Variants in DCAF8L2 observed in about 807,000 individuals in gnomAD.
DCAF8L2 encodes the protein DDB1 and CUL4 associated factor 8 like 2.
For synonymous variants in DCAF8L2, 200 were observed against 190.9 expected, an observed-to-expected ratio of 1.05 and a Z score of -0.39; for missense variants, 430 against 490.7, an observed-to-expected ratio of 0.88 and a Z score of 1.17.
rs746859114 is a variant in DCAF8L2, at chrX:27,611,917, C to A, written c.-341-19962C>A. ...TGCAATAAACATACGTGTGCATGTT[C>A]TTTACAGTAGCATGATTTATAAGCC... On this transcript the variant is annotated intron_variant, in intron 1 of 4. Transcript: ENST00000451261. Among the ~76,000 whole-genome samples, 10 of 111,461 alleles carry A rather than the reference C, an allele frequency of 9.0e-5. No homozygotes were observed. The South Asian group carries it at 3.8e-3, about 42-fold the overall frequency.
chrX:27,735,580 G>A (rs1482415209), intron 4 of DCAF8L2, among the ~76,000 whole-genome samples: 1 of 112,126 alleles, frequency 8.9e-6, no homozygotes, highest in African/African-American at 3.2e-5. Flanking sequence ...ACTTTAACTA[G>A]GACTTGCAAA....
chrX:27,623,327 G>A (rs779067726), intron 1 of DCAF8L2, among the ~76,000 whole-genome samples: 50 of 111,317 alleles, frequency 4.5e-4, no homozygotes, highest in African/African-American at 1.5e-3. Context: ...GATCCATACT[G>A]GAGAGGAAAT....
chrX:27,711,377 A>G (rs1051047974), intron 3 of DCAF8L2, among the ~76,000 whole-genome samples: 4 of 96,351 alleles, frequency 4.2e-5, no homozygotes, highest in Non-Finnish European at 8.3e-5. Flanking sequence ...CTACATCTAT[A>G]TGTGTGTGTG....
intron 3 of DCAF8L2, among the ~76,000 whole-genome samples, chrX:27,705,179 C>T (rs1334157756): frequency 1.8e-5 from 2 of 111,215 alleles, no homozygotes; most frequent in Non-Finnish European, 3.8e-5. Flanking sequence ...TGTATATATA[C>T]CAATTCTCTT....
chrX:27,516,135 T>C, the DCAF8L2 span, among the ~76,000 whole-genome samples: 200 of 111,245 alleles, frequency 1.8e-3, 1 homozygote, highest in African/African-American at 6.2e-3. Flanking sequence ...AAATGGAAAG[T>C]AGCTGAACCC....
Position 27,704,171 on chromosome X carries a change from T to TACACAC in DCAF8L2, c.-142-11916_-142-11915insCACACA, listed in dbSNP as rs1380071213. Among the ~76,000 whole-genome samples the TACACAC allele has an allele frequency of 1.2e-4, 7 of 57,009 alleles. 2 individuals are homozygous for TACACAC. The highest frequency in any genetic ancestry group is 7.4e-4 in the African/African-American group (7 of 9,410). The allele number at this position is 57,009 out of a possible 115,157, so 49.5% of individuals were successfully genotyped here. On this transcript the variant is annotated intron_variant, in intron 3 of 4. Coordinates refer to ENST00000451261, the MANE Select transcript of DCAF8L2 (RefSeq NM_001353450.2). ...GTGCTGCAGTATATATATATATATA[T>TACACAC]ATACATATACACACACACATATGTA... is the stretch of plus-strand genomic sequence containing the variant.
chrX:27,560,220 T>C, the DCAF8L2 span, among the ~76,000 whole-genome samples: 2 of 102,785 alleles, frequency 1.9e-5, no homozygotes, highest in African/African-American at 7.3e-5. Flanking sequence ...TGAGCCAAGA[T>C]CATGCCACTG....
chrX:27,593,495 G>T (rs1321012460), intron 1 of DCAF8L2, among the ~76,000 whole-genome samples: 4 of 111,666 alleles, frequency 3.6e-5, no homozygotes, highest in African/African-American at 1.3e-4. Context: ...TCCACCTTTT[G>T]GTTGTTGTGG....
At chrX:27,651,209 G>A (rs955203610) in intron 2 of DCAF8L2, among the ~76,000 whole-genome samples, 2 of 111,512 alleles carry the variant, frequency 1.8e-5, no homozygotes, top group African/African-American at 6.5e-5. Flanking sequence ...GTATTTCACT[G>A]AGAATTTTTG....
At chrX:27,524,938 C>T in the DCAF8L2 span, among the ~76,000 whole-genome samples, 122 of 111,959 alleles carry the variant, frequency 1.1e-3, 2 homozygotes, top group East Asian at 0.026. Flanking sequence ...CTAAAGAGTG[C>T]TTTACTTCTA....
At chrX:27,686,874 C>A (rs932083278) in intron 3 of DCAF8L2, among the ~76,000 whole-genome samples, 9 of 112,374 alleles carry the variant, frequency 8.0e-5, no homozygotes, top group African/African-American at 2.9e-4. Context: ...CATCTCTGAT[C>A]ATCAAGCATT....
At chrX:27,675,038 T>A (rs2147232837) in intron 2 of DCAF8L2, among the ~76,000 whole-genome samples, 1 of 112,207 alleles carries the variant, frequency 8.9e-6, no homozygotes, top group Non-Finnish European at 1.9e-5. Flanking sequence ...TTCTTTCTTG[T>A]TCCAAGTAAT....
intron 3 of DCAF8L2, among the ~76,000 whole-genome samples, chrX:27,700,481 T>C (rs1037968039): frequency 7.2e-5 from 8 of 111,147 alleles, no homozygotes; most frequent in African/African-American, 2.6e-4. Flanking sequence ...TTATTTACCA[T>C]TGGGGAAAAC....
the DCAF8L2 span, among the ~76,000 whole-genome samples, chrX:27,484,207 A>G: frequency 8.9e-6 from 1 of 111,886 alleles, no homozygotes; most frequent in East Asian, 2.8e-4. Context: ...TAGATATAGG[A>G]AGGCATTTGT....
At chrX:27,621,102 A>G (rs1399441274) in intron 1 of DCAF8L2, among the ~76,000 whole-genome samples, 1 of 112,136 alleles carries the variant, frequency 8.9e-6, no homozygotes, top group Non-Finnish European at 1.9e-5. Context: ...CTTATATGAG[A>G]TATTTAAAGT....
chrX:27,565,977 C>T, the DCAF8L2 span, among the ~76,000 whole-genome samples: 2 of 110,483 alleles, frequency 1.8e-5, no homozygotes, highest in African/African-American at 6.6e-5. Flanking sequence ...GCATGTGGAC[C>T]CTTAGCATGA....
chrX:27,546,936 G>C, the DCAF8L2 span, among the ~76,000 whole-genome samples: 1 of 112,242 alleles, frequency 8.9e-6, no homozygotes, highest in Non-Finnish European at 1.9e-5. Flanking sequence ...TTAACATTTG[G>C]TTTATCTTTA....
intron 4 of DCAF8L2, among the ~76,000 whole-genome samples, chrX:27,723,518 C>T (rs948052011): frequency 9.0e-6 from 1 of 111,345 alleles, no homozygotes; most frequent in Admixed American, 9.6e-5. Context: ...TGCAAACACA[C>T]TCTATAGAGA....
At chrX:27,631,255 A>C (rs753985353) in intron 1 of DCAF8L2, among the ~76,000 whole-genome samples, 1 of 111,977 alleles carries the variant, frequency 8.9e-6, no homozygotes, top group South Asian at 3.7e-4. Context: ...TCAACATAAT[A>C]AAGGTCATAG....
Sources: allele counts gnomAD v4.1 joint callset (sites outside exome capture counted in the v4.1 genomes callset), GRCh38; gene constraint gnomAD v4.1.1; transcripts MANE v1.5; gene names NCBI Gene and HGNC (gene_info 2026-07-23, HGNC 2026-07-21).